The following ZYG11A variants were observed in gnomAD, a reference collection of about 807,000 sequenced individuals.
ZYG11A encodes the protein protein zyg-11 homolog A.
Under a neutral mutation model 77.2 loss-of-function variants are expected in ZYG11A, and 62 were observed. The ratio of observed to expected loss-of-function variants is 0.80; its 90% CI spans 0.65 to 0.99. The LOEUF (loss-of-function observed/expected upper bound fraction) is 0.99, where lower values mean the gene tolerates loss of function less well. Among genes scored for constraint, ZYG11A ranks in the 50% least tolerant of loss-of-function variants. The pLI, the probability that ZYG11A is intolerant of heterozygous loss-of-function variation, is 0.00. For missense variants in ZYG11A, 828 were observed against 896.8 expected (o/e 0.92, Z 0.98); for synonymous variants, 315 against 324.6 (o/e 0.97, Z 0.32).
chr1:52,892,807 TGAA>T lies in ZYG11A; in HGVS notation c.2138_2140del (p.Glu713del), dbSNP rs761572763. On this transcript the variant is annotated inframe_deletion, in exon 14 of 14. Coordinates refer to ENST00000371528, the MANE Select transcript of ZYG11A (RefSeq NM_001004339.3). ...CCAGCAAATACTGCAAAATGTTAGTTGAAGAAGAAGGATTGCAGCTTTTGTGTG... is the reference window on the plus strand; with the variant it reads ...CCAGCAAATACTGCAAAATGTTAGTTGAAGAAGGATTGCAGCTTTTGTGTG... 9.4e-5 allele frequency: 146 copies of T among 1,551,484 alleles called. No homozygotes were observed. Among genetic ancestry groups the T allele is most frequent in the Non-Finnish European group, 1.2e-4 (133 of 1,146,982 alleles).
chr1:52,847,835 A>AATTT (rs5774129), intron 1 of ZYG11A, among the ~76,000 whole-genome samples: 28,244 of 118,818 alleles, frequency 0.24, 3,696 homozygotes, highest in East Asian at 0.5. Context: ...ACGCCTTGCT[A>AATTT]ATTTATTTAT....
chr1:52,854,466 A>G lies in ZYG11A; in HGVS notation c.92A>G (p.Glu31Gly). ...TTTGTTTGGGGTTTTGTTTGCTAGG[A>G]AGAGGCATCTCCCTACACTTTGGTC... ...KDALGCCVVQ[E>G]EASPYTLVNI... is the part of the protein sequence containing the mutation. Residue 31 changes from glutamate (E) to glycine (G), a missense_variant and splice_region_variant, in exon 2 of 14, where the codon GAA (glutamate) becomes GGA (glycine). Glu to Gly is a moderately conservative substitution (Grantham distance 98, BLOSUM62 -2). Transcript: ENST00000371528. 6.5e-7 allele frequency: 1 copy of G among 1,530,268 alleles called. No individual in the cohort carries two copies. 94.8% of individuals were successfully genotyped at this position (1,530,268 alleles called of 1,614,324 possible).
At chr1:52,845,186 A>AT (rs917070307) in intron 1 of ZYG11A, among the ~76,000 whole-genome samples, 6 of 151,022 alleles carry the variant, frequency 4.0e-5, no homozygotes, top group African/African-American at 7.3e-5. Context: ...CAGAAGCCTC[A>AT]TTTTTTCTGA....
intron 6 of ZYG11A, 129 bp downstream of exon 6, chr1:52,866,696 T>A (rs1646033209): frequency 8.9e-6 from 5 of 563,600 alleles, no homozygotes; most frequent in South Asian, 7.8e-5. Flanking sequence ...GAGAAGTGAT[T>A]AGAAGTACCC....
rs956389442 is a variant in ZYG11A at position 52,860,614 on chromosome 1, A to T, written c.1009-117A>T. On this transcript the variant is annotated intron_variant, in intron 3 of 13. Coordinates refer to ENST00000371528, the MANE Select transcript of ZYG11A (RefSeq NM_001004339.3). ...GCCTGGCCAACACCTGGAACATTTA[A>T]TTGAACATTTGTTGTTATTGTCTTA... 2.6e-6 allele frequency: 3 copies of T among 1,156,836 alleles called. No homozygotes were observed. In the Admixed American group the frequency reaches 7.5e-5, roughly 29 times the overall value. The allele number at this position is 1,156,836 out of a possible 1,614,324, so 71.7% of individuals were successfully genotyped here. A position where few individuals can be genotyped will look rare whatever the true frequency, so the allele number is the denominator to read the frequency against.
intron 13 of ZYG11A, among the ~76,000 whole-genome samples, chr1:52,891,508 G>T (rs1392832685): frequency 1.3e-5 from 2 of 151,628 alleles, no homozygotes; most frequent in Non-Finnish European, 2.9e-5. Context: ...GCTTGTGCTC[G>T]TTTTTTTATA....
intron 8 of ZYG11A, among the ~76,000 whole-genome samples, chr1:52,872,943 A>G (rs1646196832): frequency 6.6e-6 from 1 of 152,024 alleles, no homozygotes; most frequent in South Asian, 2.1e-4. Flanking sequence ...TTATAAGGCT[A>G]GAGCTGCCAT....
intron 13 of ZYG11A, among the ~76,000 whole-genome samples, chr1:52,892,017 G>T (rs530125639): frequency 2.6e-4 from 40 of 151,240 alleles, no homozygotes; most frequent in Non-Finnish European, 5.0e-4. Flanking sequence ...TCCTGCCTCA[G>T]CCTCCCGAGT....
intron 13 of ZYG11A, among the ~76,000 whole-genome samples, chr1:52,889,413 A>G (rs1646501498): frequency 6.6e-6 from 1 of 151,026 alleles, no homozygotes; most frequent in Non-Finnish European, 1.5e-5. Context: ...CTTTAAAAAA[A>G]GTATTTAATT....
At chr1:52,862,267 T>A (rs1329981098) in intron 4 of ZYG11A, among the ~76,000 whole-genome samples, 1 of 151,512 alleles carries the variant, frequency 6.6e-6, no homozygotes, top group Non-Finnish European at 1.5e-5. Context: ...CCCAGCTACT[T>A]GGGTGACTGA....
chr1:52,847,880 ATTTT>A (rs758073091), intron 1 of ZYG11A, among the ~76,000 whole-genome samples: 19 of 42,800 alleles, frequency 4.4e-4, no homozygotes, highest in East Asian at 3.6e-3. Context: ...TTATTTATTT[ATTTT>A]TTTGAGATGG....
chr1:52,868,401 G>C lies in ZYG11A; in HGVS notation c.1542+624G>C, dbSNP rs1296350538. ...CTTTCTACAAATTACTTCCTCCTCT[G>C]GTCCCCAACAAATTTATATCATGAT... On this transcript the variant is annotated intron_variant, in intron 8 of 13. Transcript: ENST00000371528. 2.0e-4 allele frequency among the ~76,000 whole-genome samples: 30 copies of C among 151,960 alleles called. 1 individual carries two copies. Among genetic ancestry groups the C allele is most frequent in the Admixed American group, 2.0e-3 (30 of 15,244 alleles).
chr1:52,845,210 C>T (rs1370395003), intron 1 of ZYG11A, among the ~76,000 whole-genome samples: 2 of 151,986 alleles, frequency 1.3e-5, no homozygotes, highest in African/African-American at 4.8e-5. Context: ...TGTAGTCACT[C>T]CAGTTTCCTT....
chr1:52,847,835 AATTTATTTATTTATTTATTT>A (rs5774129), intron 1 of ZYG11A, among the ~76,000 whole-genome samples: 4 of 119,364 alleles, frequency 3.4e-5, no homozygotes, highest in African/African-American at 1.1e-4. Flanking sequence ...ACGCCTTGCT[AATTTATTTATTTATTTATTT>A]ATTTATTTAT....
intron 1 of ZYG11A, among the ~76,000 whole-genome samples, chr1:52,847,872 ATTTATTTATTT>A (rs756713489): frequency 0.081 from 6,453 of 79,236 alleles, 344 homozygotes; most frequent in African/African-American, 0.23. Context: ...TTATTTATTT[ATTTATTTATTT>A]TTTTGAGATG....
chr1:52,874,382 C>A (rs950243653), intron 8 of ZYG11A, among the ~76,000 whole-genome samples: 2 of 151,794 alleles, frequency 1.3e-5, no homozygotes, highest in African/African-American at 4.8e-5. Flanking sequence ...GTGGCTGGGG[C>A]CACAGGTGCA....
intron 2 of ZYG11A, 129 bp downstream of exon 2, chr1:52,854,759 C>T (rs1367823138): frequency 1.0e-6 from 1 of 984,034 alleles, no homozygotes; most frequent in Non-Finnish European, 1.4e-6. Context: ...TTGAGACTCA[C>T]TCTTTCTGGG....
At chr1:52,884,657 GA>G (rs1216324011) in intron 11 of ZYG11A, among the ~76,000 whole-genome samples, 10 of 150,208 alleles carry the variant, frequency 6.7e-5, no homozygotes, top group East Asian at 3.9e-4. Flanking sequence ...TTCATATTCA[GA>G]AAAAAAAAAT....
At chr1:52,855,299 A>ATTAT (rs1336629020) in intron 2 of ZYG11A, among the ~76,000 whole-genome samples, 2 of 152,026 alleles carry the variant, frequency 1.3e-5, no homozygotes, top group Non-Finnish European at 2.9e-5. Context: ...AGGGCATTTT[A>ATTAT]TTATTTATTT....
Sources: allele counts gnomAD v4.1 joint callset (sites outside exome capture counted in the v4.1 genomes callset), GRCh38; gene constraint gnomAD v4.1.1; transcripts MANE v1.5; gene names NCBI Gene and HGNC (gene_info 2026-07-23, HGNC 2026-07-21).